LRP5: variants seen among roughly 807,000 people sequenced by gnomAD.
LRP5 encodes low-density lipoprotein receptor-related protein 5.
LRP5 carries 62 observed loss-of-function variants against 154.1 expected under a neutral mutation model. The ratio of observed to expected loss-of-function variants is 0.40; its 90% CI spans 0.33 to 0.50. LRP5 has a LOEUF of 0.50. LRP5 is among the 20% of genes least tolerant of loss of function. The pLI is 0.55. For synonymous variants in LRP5, 966 were observed against 1,011.5 expected (o/e 0.96, Z 0.85); for missense variants, 1,915 against 2,336.7 (o/e 0.82, Z 3.72).
At chr11:68,380,594 A>G (rs2098639748) in intron 5 of LRP5, among the ~76,000 whole-genome samples, 1 of 152,110 alleles carries the variant, frequency 6.6e-6, no homozygotes, top group Non-Finnish European at 1.5e-5. Flanking sequence ...TGTGGTCGGG[A>G]TCTGCTGCAC....
intron 12 of LRP5, among the ~76,000 whole-genome samples, chr11:68,414,495 T>A (rs1400087686): frequency 1.3e-5 from 2 of 152,130 alleles, no homozygotes; most frequent in East Asian, 3.9e-4. Flanking sequence ...GAGTCCCTGC[T>A]CCTGAACCCT....
At chr11:68,377,419 A>G (rs2098637974) in intron 5 of LRP5, among the ~76,000 whole-genome samples, 1 of 152,206 alleles carries the variant, frequency 6.6e-6, no homozygotes, top group Non-Finnish European at 1.5e-5. Flanking sequence ...GGTCCCAGGC[A>G]CCGTGCAGGT....
upstream of LRP5, among the ~76,000 whole-genome samples, chr11:68,311,252 C>T (rs971254649): frequency 2.0e-5 from 3 of 152,178 alleles, no homozygotes; most frequent in South Asian, 2.1e-4. Context: ...TCCTCTTCCC[C>T]GCCTGAGGTC....
chr11:68,392,192 G>T (rs139033010), intron 7 of LRP5, among the ~76,000 whole-genome samples: 116 of 152,294 alleles, frequency 7.6e-4, no homozygotes, highest in African/African-American at 2.6e-3. Context: ...CAAAATTGAT[G>T]ATTTTAACCA....
In LRP5 at chr11:68,438,401, C is replaced by T. The variant is rs192195621; in HGVS notation, c.4112-45C>T. On this transcript the variant is annotated intron_variant, in intron 19 of 22. Coordinates refer to ENST00000294304, the MANE Select transcript of LRP5 (RefSeq NM_002335.4). ...GTCTGCCCCCAAGGAGGGCCCATTCCGTTGGGGTTAATGTTGGCCACCTCT... is the reference window on the plus strand; with the variant it reads ...GTCTGCCCCCAAGGAGGGCCCATTCTGTTGGGGTTAATGTTGGCCACCTCT... 2.8e-5 allele frequency: 44 copies of T among 1,560,702 alleles called. No homozygotes were observed. The East Asian group carries it at 7.2e-4, about 25-fold the overall frequency.
intron 5 of LRP5, among the ~76,000 whole-genome samples, chr11:68,374,890 A>G (rs2098636484): frequency 6.6e-6 from 1 of 152,206 alleles, no homozygotes; most frequent in Non-Finnish European, 1.5e-5. Context: ...GGGGAATGGC[A>G]TCTCTGGGAT....
chr11:68,413,496 G>A lies in LRP5; in HGVS notation c.2504-193G>A, dbSNP rs146725047. ...CTTAGCAACTGTGTGACTGTAGCCA[G>A]GTCACTTAATTTTGCTAGATCCTGC... is the stretch of plus-strand genomic sequence containing the variant. On this transcript the variant is annotated intron_variant, in intron 11 of 22. Transcript: ENST00000294304. This position sits in a 1 kb window ranked among gnomAD's most constrained non-coding sequence, Gnocchi z 5.1. Among the ~76,000 whole-genome samples, 58 of 152,334 alleles carry A rather than the reference G, an allele frequency of 3.8e-4. No homozygotes were observed. The highest frequency in any genetic ancestry group is 1.3e-3 in the African/African-American group (54 of 41,560).
intron 11 of LRP5, among the ~76,000 whole-genome samples, chr11:68,412,350 G>A (rs2098660078): frequency 6.6e-6 from 1 of 152,130 alleles, no homozygotes; most frequent in Non-Finnish European, 1.5e-5. Context: ...AGGGGCAGAA[G>A]CTCTGAAGGG....
chr11:68,443,667 T>C (rs1279876557), intron 21 of LRP5, among the ~76,000 whole-genome samples: 2 of 141,074 alleles, frequency 1.4e-5, no homozygotes, highest in Admixed American at 1.4e-4. Context: ...CTCTCTCTCT[T>C]TTTTTTTTGA....
chr11:68,342,855 C>T lies in LRP5; in HGVS notation c.92-4992C>T, dbSNP rs1169379985. On this transcript the variant is annotated intron_variant, in intron 1 of 22. Transcript: ENST00000294304. The stretch of plus-strand genomic sequence containing the variant: ...AAACCGTGGTGAAATGTGGTCTTTC[C>T]AGTTTGGGGAGAAGCAGGGCAGAGC... 5.3e-5 allele frequency among the ~76,000 whole-genome samples: 8 copies of T among 152,226 alleles called. No homozygotes were observed. In the East Asian group the frequency reaches 1.5e-3, roughly 29 times the overall value.
intron 13 of LRP5, among the ~76,000 whole-genome samples, chr11:68,418,297 C>T (rs548892614): frequency 1.1e-4 from 16 of 151,972 alleles, no homozygotes; most frequent in African/African-American, 1.7e-4. Flanking sequence ...CCCAGCTACT[C>T]GGGAGGCTGA....
chr11:68,363,547 C>T lies in LRP5; in HGVS notation c.687-200C>T, dbSNP rs201590952. 1.8e-4 allele frequency among the ~76,000 whole-genome samples: 28 copies of T among 152,066 alleles called. No individual in the cohort carries two copies. The East Asian group carries it at 5.4e-3, about 29-fold the overall frequency. On this transcript the variant is annotated intron_variant, in intron 3 of 22. Transcript: ENST00000294304. Reference sequence around the variant, plus strand: ...TGGTGGGCATCAGTGATCCCAGCTACTCGGGAGGCTGAGGCAGGATAATTG... The same window carrying T: ...TGGTGGGCATCAGTGATCCCAGCTATTCGGGAGGCTGAGGCAGGATAATTG...
At chr11:68,388,345 A>T (rs1442658619) in intron 6 of LRP5, among the ~76,000 whole-genome samples, 2 of 151,828 alleles carry the variant, frequency 1.3e-5, no homozygotes, top group Non-Finnish European at 2.9e-5. Flanking sequence ...AAAGGAAGGG[A>T]TGGGGAAGCT....
intron 1 of LRP5, among the ~76,000 whole-genome samples, chr11:68,336,286 C>T (rs1311872321): frequency 6.6e-6 from 1 of 152,144 alleles, no homozygotes; most frequent in African/African-American, 2.4e-5. Flanking sequence ...TAGAGGGGTG[C>T]TCACTGTCCA....
At position 68,347,841 on chromosome 11, in the gene LRP5, C is replaced by T; in HGVS notation, c.92-6C>T. 6.2e-7 allele frequency: 1 copy of T among 1,612,966 alleles called. No individual in the cohort carries two copies. Among genetic ancestry groups the T allele is most frequent in the South Asian group, 1.1e-5 (1 of 91,074 alleles). On this transcript the variant is annotated splice_region_variant and splice_polypyrimidine_tract_variant and intron_variant, in intron 1 of 22. Coordinates refer to ENST00000294304, the MANE Select transcript of LRP5 (RefSeq NM_002335.4). Reference sequence around the variant, plus strand: ...GTGGCCCTCACGGTTTGCTTCTGCCCCACAGCCTCGCCGCTCCTGCTATTT... The same window carrying T: ...GTGGCCCTCACGGTTTGCTTCTGCCTCACAGCCTCGCCGCTCCTGCTATTT...
intron 12 of LRP5, among the ~76,000 whole-genome samples, chr11:68,415,190 C>T (rs1218213192): frequency 6.6e-6 from 1 of 152,154 alleles, no homozygotes; most frequent in African/African-American, 2.4e-5. Context: ...GCTGGTTCTT[C>T]GGATCCTGGT....
rs375761250 is a variant in LRP5 at position 68,354,773 on chromosome 11, C to T, written c.489-2877C>T. ...TGTAACCTGGAACAGGCCAGCCTTT[C>T]GGGGCCTCAGTTTTCTCATCTGCCT... On this transcript the variant is annotated intron_variant, in intron 2 of 22. Transcript: ENST00000294304. 8.5e-5 allele frequency among the ~76,000 whole-genome samples: 13 copies of T among 152,334 alleles called. 1 individual carries two copies. The highest frequency in any genetic ancestry group is 4.1e-4 in the South Asian group (2 of 4,826).
chr11:68,448,696 C>A, intron 22 of LRP5, 113 bp from the exon 23 acceptor site: 1 of 1,370,916 alleles, frequency 7.3e-7, no homozygotes, highest in Middle Eastern at 2.2e-4. Flanking sequence ...CGGCCTGCAT[C>A]TTCTGGAGCT....
At chr11:68,434,157 C>T (rs1565112479) in intron 18 of LRP5, among the ~76,000 whole-genome samples, 1 of 152,086 alleles carries the variant, frequency 6.6e-6, no homozygotes. Flanking sequence ...GAAAATCCGC[C>T]CCCAAAAGAC....
Sources: allele counts gnomAD v4.1 joint callset (sites outside exome capture counted in the v4.1 genomes callset), GRCh38; gene constraint gnomAD v4.1.1; non-coding constraint Gnocchi (gnomAD v3.1); transcripts MANE v1.5; gene names NCBI Gene and HGNC (gene_info 2026-07-23, HGNC 2026-07-21).